ROBO1: variants seen among roughly 807,000 people sequenced by gnomAD.
ROBO1 encodes roundabout guidance receptor 1.
In ROBO1, 149 loss-of-function variants were observed where a neutral mutation model predicts 195.9. That is an observed-to-expected ratio of 0.76 (90% CI 0.67 to 0.87). ROBO1 has a LOEUF of 0.87. ROBO1 is among the 40% of genes least tolerant of loss of function. ROBO1 has a pLI of 0.00. For synonymous variants in ROBO1, 816 were observed against 733.2 expected (o/e 1.11, Z -1.82); for missense variants, 1,933 against 2,068.3 (o/e 0.93, Z 1.27).
intron 1 of ROBO1, among the ~76,000 whole-genome samples, chr3:79,692,813 A>G (rs971733479): frequency 1.3e-5 from 2 of 151,844 alleles, no homozygotes; most frequent in East Asian, 1.9e-4. Flanking sequence ...TGGGACAAGA[A>G]GTGTGTTGGG....
At chr3:79,083,594 A>T (rs914929400) in intron 3 of ROBO1, among the ~76,000 whole-genome samples, 1 of 152,214 alleles carries the variant, frequency 6.6e-6, no homozygotes, top group Non-Finnish European at 1.5e-5. Context: ...TCAAAATTTT[A>T]TTCTTAACTG....
intron 3 of ROBO1, among the ~76,000 whole-genome samples, chr3:79,020,525 C>G (rs2078077314): frequency 6.6e-6 from 1 of 152,082 alleles, no homozygotes; most frequent in Non-Finnish European, 1.5e-5. Context: ...AACCCCGTCT[C>G]TACTAAAAAT....
intron 3 of ROBO1, among the ~76,000 whole-genome samples, chr3:78,997,186 C>T (rs1196233561): frequency 6.6e-6 from 1 of 152,158 alleles, no homozygotes; most frequent in African/African-American, 2.4e-5. Flanking sequence ...CTCCTTCCTC[C>T]ACTCCAACTT....
chr3:78,861,846 T>C (rs183115777), intron 4 of ROBO1, among the ~76,000 whole-genome samples: 1 of 152,278 alleles, frequency 6.6e-6, no homozygotes, highest in East Asian at 1.9e-4. Flanking sequence ...TTAAGCATCC[T>C]ATGATATTTA....
chr3:78,846,204 A>G (rs2033661952), intron 4 of ROBO1, among the ~76,000 whole-genome samples: 1 of 152,162 alleles, frequency 6.6e-6, no homozygotes, highest in African/African-American at 2.4e-5. Flanking sequence ...CCACATAGTC[A>G]GTACAAGTGA....
chr3:79,097,643 C>T (rs1439510431), intron 3 of ROBO1, among the ~76,000 whole-genome samples: 2 of 151,674 alleles, frequency 1.3e-5, no homozygotes, highest in Non-Finnish European at 3.0e-5. Context: ...CACTAAGAAT[C>T]AAGAAGTGAA....
chr3:78,689,458 T>C (rs528473093), intron 8 of ROBO1, among the ~76,000 whole-genome samples: 2 of 152,146 alleles, frequency 1.3e-5, no homozygotes, highest in South Asian at 2.1e-4. Flanking sequence ...TGTCAGAAAA[T>C]TGTGTCAATT....
chr3:78,624,673 AG>A (rs1704653471), intron 26 of ROBO1, among the ~76,000 whole-genome samples: 1 of 152,156 alleles, frequency 6.6e-6, no homozygotes, highest in African/African-American at 2.4e-5. Context: ...GAACGAGATG[AG>A]TTCTGCCTTC....
At chr3:79,629,423 A>C (rs143270917) in intron 1 of ROBO1, among the ~76,000 whole-genome samples, 22 of 152,260 alleles carry the variant, frequency 1.4e-4, no homozygotes, top group African/African-American at 5.1e-4. Context: ...AAAAAAATTA[A>C]GGCAAAACAT....
In ROBO1 at chr3:79,088,499, C is replaced by T. The variant is rs187394245; in HGVS notation, c.172+36957G>A. ...ATATGCAAGTTTAAATTGTATATAC[C>T]GGATTGTTATATTTAATTACTTTGA... On this transcript the variant is annotated intron_variant, in intron 3 of 30. Transcript: ENST00000464233. Among the ~76,000 whole-genome samples the T allele has an allele frequency of 1.3e-3, 194 of 151,998 alleles. 2 individuals carry two copies. Among genetic ancestry groups the T allele is most frequent in the African/African-American group, 4.6e-3 (189 of 41,500 alleles).
intron 3 of ROBO1, among the ~76,000 whole-genome samples, chr3:79,021,881 C>G (rs2078110634): frequency 2.0e-5 from 3 of 152,086 alleles, no homozygotes. Context: ...AGGTTGGTCT[C>G]GATCTCCTGA....
At chr3:79,613,747 C>T (rs1462633093) in intron 1 of ROBO1, among the ~76,000 whole-genome samples, 4 of 151,994 alleles carry the variant, frequency 2.6e-5, no homozygotes. Context: ...AGGTAACTAT[C>T]TTTAGACTGA....
At chr3:79,591,101 T>A (rs1458852600) in intron 1 of ROBO1, among the ~76,000 whole-genome samples, 2 of 151,724 alleles carry the variant, frequency 1.3e-5, no homozygotes, top group Admixed American at 6.6e-5. Context: ...GATTTGCGAG[T>A]TGGGAAGTGG....
At chr3:79,627,819 A>G (rs1333755859) in intron 1 of ROBO1, among the ~76,000 whole-genome samples, 1 of 152,160 alleles carries the variant, frequency 6.6e-6, no homozygotes, top group African/African-American at 2.4e-5. Context: ...AAGCAACCCC[A>G]TCAAAAAATG....
At chr3:79,070,177 C>T (rs763950067) in intron 3 of ROBO1, among the ~76,000 whole-genome samples, 27 of 151,868 alleles carry the variant, frequency 1.8e-4, no homozygotes, top group Non-Finnish European at 7.4e-5. Context: ...TCGATCATCA[C>T]TCACTTTCCA....
intron 28 of ROBO1, among the ~76,000 whole-genome samples, chr3:78,608,724 G>A (rs575236916): frequency 7.9e-5 from 12 of 152,034 alleles, no homozygotes; most frequent in Admixed American, 2.6e-4. Context: ...AGATGGAGAG[G>A]AAAAGATGTG....
Position 79,681,667 on chromosome 3 carries a change from A to G in ROBO1, c.-51+86085T>C, listed in dbSNP as rs184627341. Among the ~76,000 whole-genome samples the G allele has an allele frequency of 1.6e-3, 241 of 152,066 alleles. 1 individual carries two copies. The highest frequency in any genetic ancestry group is 2.0e-3 in the Non-Finnish European group (138 of 67,908). On this transcript the variant is annotated intron_variant, in intron 1 of 30. Transcript: ENST00000464233. ...TGGGGAACAAGGAAAATGCATGTTT[A>G]GATATCAAACTCCTTCCCAAGGAGA...
chr3:79,126,920 C>A (rs752871846), intron 2 of ROBO1, among the ~76,000 whole-genome samples: 5 of 151,408 alleles, frequency 3.3e-5, no homozygotes, highest in South Asian at 2.1e-4. Context: ...TTTTTTCATG[C>A]GGCATATTTC....
chr3:79,575,304 TATAA>T (rs1198353307), intron 2 of ROBO1, among the ~76,000 whole-genome samples: 1 of 124,682 alleles, frequency 8.0e-6, no homozygotes, highest in Admixed American at 9.4e-5. Context: ...AACAAATATA[TATAA>T]ATATATATAT....
Sources: gnomAD v4.1 joint callset for allele counts (sites outside exome capture counted in the v4.1 genomes callset) on GRCh38, gnomAD v4.1.1 for gene constraint, MANE v1.5 for transcripts, NCBI Gene and HGNC (gene_info 2026-07-23, HGNC 2026-07-21) for gene names.